EML6: variants seen among roughly 807,000 people sequenced by gnomAD.
The protein encoded by EML6 is echinoderm microtubule-associated protein-like 6.
Under a neutral mutation model 240.1 loss-of-function variants are expected in EML6, and 154 were observed. The observed-to-expected ratio is 0.64, with a 90% CI of 0.56 to 0.73. EML6 has a LOEUF of 0.73. Ranked by LOEUF, EML6 falls within the 30% of genes least tolerant of loss-of-function variation. The probability of loss-of-function intolerance (pLI) is 0.00; values close to 1 mark genes in which losing one functional copy is unlikely to be tolerated. For synonymous variants in EML6, 1,148 were observed against 899.0 expected, an observed-to-expected ratio of 1.28 and a Z score of -4.95; for missense variants, 2,964 against 2,474.6, an observed-to-expected ratio of 1.20 and a Z score of -4.20.
intron 2 of EML6, among the ~76,000 whole-genome samples, chr2:54,773,978 A>T (rs761804888): frequency 1.3e-5 from 2 of 152,150 alleles, no homozygotes; most frequent in Non-Finnish European, 2.9e-5. Context: ...GCTGTCCTCA[A>T]GAAGTGGCTG....
At chr2:54,954,523 A>T (rs1676141009) in intron 32 of EML6, among the ~76,000 whole-genome samples, 1 of 152,182 alleles carries the variant, frequency 6.6e-6, no homozygotes, top group Admixed American at 6.5e-5. Flanking sequence ...TGGCCCCTGG[A>T]TCCTACTACA....
intron 2 of EML6, among the ~76,000 whole-genome samples, chr2:54,751,740 G>A (rs1165932717): frequency 6.6e-6 from 1 of 152,128 alleles, no homozygotes; most frequent in African/African-American, 2.4e-5. Context: ...AAGTTGTCTT[G>A]GTTGACCGTG....
At chr2:54,791,799 C>G (rs1021235403) in intron 2 of EML6, among the ~76,000 whole-genome samples, 1 of 152,162 alleles carries the variant, frequency 6.6e-6, no homozygotes, top group Non-Finnish European at 1.5e-5. Flanking sequence ...CTGGATTATA[C>G]TACAAAGTAG....
intron 22 of EML6, among the ~76,000 whole-genome samples, chr2:54,901,862 C>T (rs1673073439): frequency 6.6e-6 from 1 of 152,230 alleles, no homozygotes; most frequent in Non-Finnish European, 1.5e-5. Context: ...TAGGCATGTT[C>T]TTGAATCAGT....
At chr2:54,910,751 C>T (rs1468935868) in intron 24 of EML6, among the ~76,000 whole-genome samples, 1 of 152,112 alleles carries the variant, frequency 6.6e-6, no homozygotes, top group Non-Finnish European at 1.5e-5. Flanking sequence ...TTATGAAGTC[C>T]ATATTCTAAA....
chr2:54,861,255 C>G (rs986240904), intron 12 of EML6, among the ~76,000 whole-genome samples: 9 of 152,290 alleles, frequency 5.9e-5, no homozygotes, highest in Admixed American at 5.9e-4. Flanking sequence ...GGTCATACAC[C>G]AAGTGCCACA....
At chr2:54,923,464 A>G (rs1470045185) in intron 26 of EML6, among the ~76,000 whole-genome samples, 3 of 151,608 alleles carry the variant, frequency 2.0e-5, no homozygotes, top group African/African-American at 4.8e-5. Flanking sequence ...TTATTTCACA[A>G]TGTATGCATA....
chr2:54,751,005 A>T (rs1684138963), intron 2 of EML6, among the ~76,000 whole-genome samples: 1 of 152,212 alleles, frequency 6.6e-6, no homozygotes, highest in African/African-American at 2.4e-5. Flanking sequence ...TATGTATTTC[A>T]AAGTGGTAGT....
chr2:54,852,218 C>G (rs1193274982), intron 10 of EML6, among the ~76,000 whole-genome samples: 1 of 152,246 alleles, frequency 6.6e-6, no homozygotes, highest in South Asian at 2.1e-4. Context: ...CCCACCATAA[C>G]TTTTATAAGA....
At chr2:54,769,476 A>T (rs17521852) in intron 2 of EML6, among the ~76,000 whole-genome samples, 11,262 of 152,276 alleles carry the variant, frequency 0.074, 623 homozygotes, top group East Asian at 0.32. Context: ...AAGACATTGA[A>T]AACTACTGAA....
At chr2:54,961,186 T>TGTTTTTTTTTTTTTGTTTTTTTTTG (rs796179489) in intron 35 of EML6, among the ~76,000 whole-genome samples, 2 of 93,166 alleles carry the variant, frequency 2.1e-5, no homozygotes, top group Non-Finnish European at 4.3e-5. Context: ...AGGAAGTAGT[T>TGTTTTTTTTTTTTTGTTTTTTTTTG]TTTTTTTTTT....
chr2:54,849,188 T>G (rs1669934041), intron 9 of EML6, among the ~76,000 whole-genome samples: 1 of 152,254 alleles, frequency 6.6e-6, no homozygotes, highest in Non-Finnish European at 1.5e-5. Flanking sequence ...TACATGTAAT[T>G]GAATACATTC....
intron 4 of EML6, among the ~76,000 whole-genome samples, chr2:54,818,005 C>T (rs1668154425): frequency 7.1e-6 from 1 of 140,566 alleles, no homozygotes; most frequent in African/African-American, 2.5e-5. Flanking sequence ...ATAGAATCCT[C>T]TGGGGAGACT....
intron 26 of EML6, among the ~76,000 whole-genome samples, chr2:54,920,326 G>A (rs1048234825): frequency 6.6e-6 from 1 of 151,780 alleles, no homozygotes. Flanking sequence ...TGAAAGATGA[G>A]ACATTATAAC....
At chr2:54,801,345 T>G (rs566713786) in intron 2 of EML6, among the ~76,000 whole-genome samples, 2 of 151,558 alleles carry the variant, frequency 1.3e-5, no homozygotes, top group South Asian at 4.2e-4. Context: ...GGTTTCTCAT[T>G]GGAATTGAAA....
chr2:54,964,114 T>C lies in EML6; in HGVS notation c.5286T>C (p.Val1762=), dbSNP rs184292355. The C allele has an allele frequency of 2.6e-6, 4 of 1,551,544 alleles. No homozygotes were observed. In the African/African-American group the frequency reaches 5.5e-5, roughly 21 times the overall value. ...FVILLVNSLK[V]WGKKRDRKSA... The stretch of plus-strand genomic sequence containing the variant: ...TCTTGTTGGTGAACAGCCTGAAAGT[T>C]TGGGGGAAAAAACGAGACCGGAAAT... Residue 1762 remains valine, a synonymous_variant, in exon 37 of 42, where the codon GTT becomes GTC. Transcript: ENST00000356458.
At chr2:54,939,762 T>G (rs1482039324) in intron 28 of EML6, among the ~76,000 whole-genome samples, 1 of 152,202 alleles carries the variant, frequency 6.6e-6, no homozygotes, top group Non-Finnish European at 1.5e-5. Flanking sequence ...TTTAATGAGA[T>G]TTGGGCATCC....
intron 2 of EML6, among the ~76,000 whole-genome samples, chr2:54,805,564 A>G (rs914554683): frequency 1.4e-4 from 21 of 152,014 alleles, no homozygotes; most frequent in Non-Finnish European, 2.5e-4. Context: ...AAGCATTTTT[A>G]TATATTCTGG....
intron 28 of EML6, among the ~76,000 whole-genome samples, chr2:54,938,054 A>T (rs1675240699): frequency 6.6e-6 from 1 of 152,214 alleles, no homozygotes; most frequent in African/African-American, 2.4e-5. Context: ...ATTGTATAAA[A>T]GTTAGGTGGG....
Sources: gnomAD v4.1 joint callset for allele counts (sites outside exome capture counted in the v4.1 genomes callset) on GRCh38, gnomAD v4.1.1 for gene constraint, MANE v1.5 for transcripts, NCBI Gene and HGNC (gene_info 2026-07-23, HGNC 2026-07-21) for gene names.